Variants in PRSS38 observed in about 807,000 individuals in gnomAD.
The protein encoded by PRSS38 is serine protease 38, also known as marapsin 2.
PRSS38 carries 22 observed loss-of-function variants against 26.8 expected under a neutral mutation model. The ratio of observed to expected loss-of-function variants is 0.82; its 90% CI spans 0.59 to 1.17. The LOEUF (loss-of-function observed/expected upper bound fraction) is 1.17. PRSS38 is among the 50% of genes most tolerant of loss of function. PRSS38 has a pLI of 0.00. For missense variants in PRSS38, 427 were observed against 422.7 expected (o/e 1.01, Z -0.09); for synonymous variants, 175 against 172.1 (o/e 1.02, Z -0.13).
At chr1:227,844,758 C>T (rs536844555) in intron 3 of PRSS38, among the ~76,000 whole-genome samples, 7 of 137,456 alleles carry the variant, frequency 5.1e-5, no homozygotes, top group Non-Finnish European at 9.4e-5. Context: ...GGCTCCTCCT[C>T]ATTTGGTGGG....
intron 3 of PRSS38, among the ~76,000 whole-genome samples, chr1:227,829,663 C>T (rs1353670318): frequency 6.6e-6 from 1 of 152,128 alleles, no homozygotes; most frequent in African/African-American, 2.4e-5. Flanking sequence ...TATTGAAGTA[C>T]ACTTGATTTT....
At chr1:227,841,895 G>A (rs59640509) in intron 3 of PRSS38, among the ~76,000 whole-genome samples, 6 of 152,220 alleles carry the variant, frequency 3.9e-5, no homozygotes, top group Non-Finnish European at 7.3e-5. Flanking sequence ...GTTTGGCTCA[G>A]GGTTCTGTAA....
rs71180764 is a variant in PRSS38 at position 227,818,675 on chromosome 1, C to CAAAAA, written c.583+1215_583+1219dup. Among the ~76,000 whole-genome samples the CAAAAA allele has an allele frequency of 1.1e-3, 68 of 61,030 alleles. 1 individual carries two copies. Among genetic ancestry groups the CAAAAA allele is most frequent in the African/African-American group, 1.9e-3 (28 of 14,732 alleles). The allele number at this position is 61,030 out of a possible 152,430, so 40.0% of individuals were successfully genotyped here. ...CCTGGGCAACAGTGAGACCTTCTCT[C>CAAAAA]AAAAAAAAAAAAAAAAAAAAAAAAC... On this transcript the variant is annotated intron_variant, in intron 3 of 4. Coordinates refer to ENST00000366757, the Ensembl canonical transcript of PRSS38.
chr1:227,833,465 T>C lies in PRSS38; in HGVS notation c.584-12005T>C, dbSNP rs904569591. Among the ~76,000 whole-genome samples, 31 of 151,942 alleles carry C rather than the reference T, an allele frequency of 2.0e-4. 1 individual carries two copies. Among genetic ancestry groups the C allele is most frequent in the Non-Finnish European group, 4.1e-4 (28 of 67,976 alleles). The stretch of plus-strand genomic sequence containing the variant: ...TCACTTGAACCAAGGAGGCAGAGGT[T>C]GCAGTGAGCCAAGATCGTGGCACTG... On this transcript the variant is annotated intron_variant, in intron 3 of 4. Coordinates refer to ENST00000366757, the Ensembl canonical transcript of PRSS38.
chr1:227,825,482 G>A lies in PRSS38; in HGVS notation c.583+8002G>A, dbSNP rs184499479. 4.7e-4 allele frequency among the ~76,000 whole-genome samples: 72 copies of A among 152,250 alleles called. 1 individual carries two copies. The highest frequency in any genetic ancestry group is 1.4e-3 in the African/African-American group (60 of 41,538). The stretch of plus-strand genomic sequence containing the variant: ...TGTGATTACAGGCGTAAGCCACCGC[G>A]TCTGGCCTCTAGGTTTTTTAAAGTT... On this transcript the variant is annotated intron_variant, in intron 3 of 4. Transcript: ENST00000366757.
chr1:227,826,999 G>A (rs575004619), intron 3 of PRSS38, among the ~76,000 whole-genome samples: 5 of 152,264 alleles, frequency 3.3e-5, no homozygotes, highest in African/African-American at 4.8e-5. Flanking sequence ...TGCGTATGTC[G>A]AATCACCCTT....
At chr1:227,821,174 T>C (rs1183065717) in intron 3 of PRSS38, among the ~76,000 whole-genome samples, 1 of 152,120 alleles carries the variant, frequency 6.6e-6, no homozygotes, top group African/African-American at 2.4e-5. Context: ...TTGCTGAGGA[T>C]AATGGCTTCC....
At chr1:227,832,401 T>C (rs565557237) in intron 3 of PRSS38, among the ~76,000 whole-genome samples, 5 of 152,342 alleles carry the variant, frequency 3.3e-5, no homozygotes, top group Non-Finnish European at 7.3e-5. Context: ...CCTTCTTTTA[T>C]GTTAACAAAG....
At chr1:227,824,758 C>A (rs1418192901) in intron 3 of PRSS38, among the ~76,000 whole-genome samples, 1 of 152,124 alleles carries the variant, frequency 6.6e-6, no homozygotes, top group African/African-American at 2.4e-5. Flanking sequence ...TTAGTAATAG[C>A]CATTCTGACT....
In PRSS38 at chr1:227,817,322, A is replaced by G. The variant is rs185359363; in HGVS notation, c.425A>G (p.Glu142Gly). The G allele has an allele frequency of 3.5e-4, 562 of 1,614,152 alleles. No homozygotes were observed. The highest frequency in any genetic ancestry group is 4.6e-4 in the Non-Finnish European group (544 of 1,180,026). Residue 142 changes from glutamate to glycine, a missense_variant, in exon 3 of 5, where the codon GAG (glutamate) becomes GGG (glycine). Coordinates refer to ENST00000366757, the Ensembl canonical transcript of PRSS38. ...AGGGTGATCCTGCACCCCACATATGAGATGTACCACCCCATCGGAGGTGAC... is the reference window on the plus strand; with the variant it reads ...AGGGTGATCCTGCACCCCACATATGGGATGTACCACCCCATCGGAGGTGAC...
chr1:227,838,688 C>A (rs905903492), intron 3 of PRSS38, among the ~76,000 whole-genome samples: 1 of 152,192 alleles, frequency 6.6e-6, no homozygotes, highest in Admixed American at 6.5e-5. Context: ...GACTTACATA[C>A]TCAGCTTTAA....
At chr1:227,835,180 T>G (rs544125652) in intron 3 of PRSS38, among the ~76,000 whole-genome samples, 1 of 152,298 alleles carries the variant, frequency 6.6e-6, no homozygotes, top group South Asian at 2.1e-4. Flanking sequence ...GGAAAATAGG[T>G]ACTGGCAAGG....
intron 3 of PRSS38, among the ~76,000 whole-genome samples, chr1:227,835,910 T>G (rs1665231676): frequency 6.6e-6 from 1 of 152,206 alleles, no homozygotes; most frequent in African/African-American, 2.4e-5. Context: ...TTTAAAATGC[T>G]TAATTTAATG....
chr1:227,819,926 T>C (rs1057070561), intron 3 of PRSS38, among the ~76,000 whole-genome samples: 14 of 151,822 alleles, frequency 9.2e-5, no homozygotes, highest in African/African-American at 3.4e-4. Context: ...CCGTCTCTAC[T>C]AAAAATATAA....
rs1665108437 is a variant in PRSS38, at chr1:227,828,619, A to G, written c.583+11139A>G. 2.6e-5 allele frequency among the ~76,000 whole-genome samples: 4 copies of G among 152,226 alleles called. 1 individual carries two copies. In the South Asian group the frequency reaches 8.3e-4, roughly 31 times the overall value. On this transcript the variant is annotated intron_variant, in intron 3 of 4. Transcript: ENST00000366757. ...GCAGTTGAGTCAACTCAGCTGTTCCAGCCTGCCGGCTCTGGAGAGTCCAGA... is the reference window on the plus strand; with the variant it reads ...GCAGTTGAGTCAACTCAGCTGTTCCGGCCTGCCGGCTCTGGAGAGTCCAGA...
intron 3 of PRSS38, among the ~76,000 whole-genome samples, chr1:227,828,825 T>A (rs1431150713): frequency 6.6e-6 from 1 of 152,136 alleles, no homozygotes; most frequent in Non-Finnish European, 1.5e-5. Context: ...TATACAAAAC[T>A]CCTGGGTCTC....
At chr1:227,845,520 C>G (rs776158794) in exon 4 of PRSS38, 1 of 1,613,380 alleles carries the variant, frequency 6.2e-7, no homozygotes, top group East Asian at 2.2e-5. Flanking sequence ...GATCCTGGAG[C>G]CCTGGTGCCA....
intron 3 of PRSS38, among the ~76,000 whole-genome samples, chr1:227,839,241 C>T (rs1386136924): frequency 6.6e-6 from 1 of 152,076 alleles, no homozygotes; most frequent in Non-Finnish European, 1.5e-5. Context: ...AGGAGGATTG[C>T]TTGAAGCTGG....
At chr1:227,815,791 G>A (rs764544871) in exon 1 of PRSS38, 24 of 1,612,384 alleles carry the variant, frequency 1.5e-5, no homozygotes, top group Non-Finnish European at 1.9e-5. Flanking sequence ...TCCTGGTGGT[G>A]GCCCCTCCCC....
Sources: allele counts gnomAD v4.1 joint callset (sites outside exome capture counted in the v4.1 genomes callset), GRCh38; gene constraint gnomAD v4.1.1; transcripts MANE v1.5; gene names NCBI Gene and HGNC (gene_info 2026-07-23, HGNC 2026-07-21).